The following EPHA3 variants were observed in gnomAD, a reference collection of about 807,000 sequenced individuals.
The protein encoded by EPHA3 is ephrin type-A receptor 3.
Under a neutral mutation model 107.1 loss-of-function variants are expected in EPHA3, and 42 were observed. The ratio of observed to expected loss-of-function variants is 0.39; its 90% CI spans 0.31 to 0.51. The LOEUF is 0.51. Ranked by LOEUF, EPHA3 falls within the 20% of genes least tolerant of loss-of-function variation. EPHA3 has a pLI of 0.78. For missense variants in EPHA3, 1,183 were observed against 1,211.2 expected (o/e 0.98, Z 0.35); for synonymous variants, 461 against 424.8 (o/e 1.09, Z -1.05).
chr3:89,467,439 A>C (rs1710307491), intron 15 of EPHA3, among the ~76,000 whole-genome samples: 1 of 152,156 alleles, frequency 6.6e-6, no homozygotes, highest in Non-Finnish European at 1.5e-5. Flanking sequence ...TCATTCAAGA[A>C]ATGTGTATTA....
At chr3:89,299,578 C>T (rs1388012274) in intron 3 of EPHA3, among the ~76,000 whole-genome samples, 5 of 151,988 alleles carry the variant, frequency 3.3e-5, no homozygotes, top group Non-Finnish European at 5.9e-5. Flanking sequence ...TGGAATACTT[C>T]ATTTAATCAC....
At position 89,480,028 on chromosome 3, in the gene EPHA3, C is replaced by T; in HGVS notation, c.*526C>T. 4.3e-6 allele frequency: 1 copy of T among 232,954 alleles called. No individual in the cohort carries two copies. The highest frequency in any genetic ancestry group is 8.5e-6 in the Non-Finnish European group (1 of 117,694). The allele number at this position is 232,954 out of a possible 1,614,324, so 14.4% of individuals were successfully genotyped here. A position where few individuals can be genotyped will look rare whatever the true frequency, so the allele number is the denominator to read the frequency against. On this transcript the variant is annotated 3_prime_UTR_variant, in exon 17 of 17. Coordinates refer to ENST00000336596, the MANE Select transcript of EPHA3 (RefSeq NM_005233.6). Reference sequence around the variant, plus strand: ...ATTATTCTCTTTTATCTGTTTAAAGCATATAGAGATGAAGTTTGTAGTTGT... The same window carrying T: ...ATTATTCTCTTTTATCTGTTTAAAGTATATAGAGATGAAGTTTGTAGTTGT...
At chr3:89,246,835 G>T (rs1375268782) in intron 3 of EPHA3, among the ~76,000 whole-genome samples, 1 of 151,910 alleles carries the variant, frequency 6.6e-6, no homozygotes, top group Non-Finnish European at 1.5e-5. Context: ...TATTACTGTT[G>T]AAATAATCTG....
intron 2 of EPHA3, among the ~76,000 whole-genome samples, chr3:89,184,678 C>G (rs1705521214): frequency 6.6e-6 from 1 of 151,948 alleles, no homozygotes; most frequent in African/African-American, 2.4e-5. Flanking sequence ...CTTGGTTTCC[C>G]TTGTGATTGT....
chr3:89,460,453 ATT>A (rs1710202103), intron 15 of EPHA3, among the ~76,000 whole-genome samples: 1 of 152,070 alleles, frequency 6.6e-6, no homozygotes, highest in African/African-American at 2.4e-5. Flanking sequence ...TTTTAAATAT[ATT>A]GTTTCATTGC....
chr3:89,122,342 A>T (rs1337191574), intron 1 of EPHA3, among the ~76,000 whole-genome samples: 1 of 152,198 alleles, frequency 6.6e-6, no homozygotes, highest in Admixed American at 6.5e-5. Flanking sequence ...TGGCTATAAA[A>T]GTCCCTTATA....
At chr3:89,172,763 A>G (rs1705237460) in intron 2 of EPHA3, among the ~76,000 whole-genome samples, 1 of 149,416 alleles carries the variant, frequency 6.7e-6, no homozygotes, top group Non-Finnish European at 1.5e-5. Context: ...CCATATTGTT[A>G]ATAATAACAG....
chr3:89,198,898 C>T (rs1410846444), intron 2 of EPHA3, among the ~76,000 whole-genome samples: 14 of 152,138 alleles, frequency 9.2e-5, no homozygotes, highest in Admixed American at 9.2e-4. Context: ...CTGTAAATGT[C>T]CATCTTAGCA....
At chr3:89,369,016 A>T (rs1708239715) in intron 5 of EPHA3, among the ~76,000 whole-genome samples, 1 of 150,622 alleles carries the variant, frequency 6.6e-6, no homozygotes, top group Admixed American at 6.7e-5. Flanking sequence ...GAACTCAAGT[A>T]ATCTGACAGC....
At chr3:89,302,436 A>T (rs1706513527) in intron 3 of EPHA3, among the ~76,000 whole-genome samples, 1 of 152,096 alleles carries the variant, frequency 6.6e-6, no homozygotes. Flanking sequence ...GAGGTAGAAA[A>T]TTCTTTTATT....
chr3:89,468,789 C>CTATT (rs1710341060), intron 15 of EPHA3, among the ~76,000 whole-genome samples: 1 of 152,094 alleles, frequency 6.6e-6, no homozygotes, highest in Non-Finnish European at 1.5e-5. Context: ...GTGACAAAGA[C>CTATT]TATTTCACTC....
At chr3:89,146,184 T>G (rs575910518) in intron 2 of EPHA3, among the ~76,000 whole-genome samples, 1 of 151,882 alleles carries the variant, frequency 6.6e-6, no homozygotes, top group Non-Finnish European at 1.5e-5. Context: ...GAATCATCCC[T>G]TTCTCCAGGG....
At chr3:89,158,671 A>G (rs1244055889) in intron 2 of EPHA3, among the ~76,000 whole-genome samples, 1 of 152,078 alleles carries the variant, frequency 6.6e-6, no homozygotes, top group Non-Finnish European at 1.5e-5. Context: ...TTGCTTTTGT[A>G]TATCCCGTTG....
chr3:89,444,193 T>C (rs1384945171), intron 13 of EPHA3, among the ~76,000 whole-genome samples: 1 of 152,188 alleles, frequency 6.6e-6, no homozygotes, highest in African/African-American at 2.4e-5. Flanking sequence ...AAATAATGGT[T>C]CGGGTTTACT....
chr3:89,423,375 A>C (rs1709391841), intron 11 of EPHA3, among the ~76,000 whole-genome samples: 1 of 151,316 alleles, frequency 6.6e-6, no homozygotes, highest in Admixed American at 6.6e-5. Context: ...TTCTGGAATA[A>C]GAGGTCATCA....
chr3:89,196,490 A>G (rs1307946204), intron 2 of EPHA3, among the ~76,000 whole-genome samples: 3 of 148,142 alleles, frequency 2.0e-5, no homozygotes, highest in Admixed American at 6.6e-5. Context: ...TCACTAGTGC[A>G]TAACAGGTGT....
chr3:89,187,898 T>C (rs1289531737), intron 2 of EPHA3, among the ~76,000 whole-genome samples: 1 of 152,164 alleles, frequency 6.6e-6, no homozygotes, highest in Non-Finnish European at 1.5e-5. Flanking sequence ...TATATATTAA[T>C]TAACACTAAA....
At chr3:89,203,330 AAAAAC>A (rs1559598422) in intron 2 of EPHA3, among the ~76,000 whole-genome samples, 3 of 91,708 alleles carry the variant, frequency 3.3e-5, no homozygotes, top group East Asian at 3.2e-4. Context: ...GAATTAAAAA[AAAAAC>A]AAAACAAAAC....
At chr3:89,180,727 G>A (rs187985697) in intron 2 of EPHA3, among the ~76,000 whole-genome samples, 1 of 151,706 alleles carries the variant, frequency 6.6e-6, no homozygotes, top group Non-Finnish European at 1.5e-5. Context: ...TTTCTCTGTC[G>A]TTATTTTTTA....
Sources: allele counts gnomAD v4.1 joint callset (sites outside exome capture counted in the v4.1 genomes callset), GRCh38; gene constraint gnomAD v4.1.1; transcripts MANE v1.5; gene names NCBI Gene and HGNC (gene_info 2026-07-23, HGNC 2026-07-21).